The following PAFAH1B2 variants were observed in gnomAD, a reference collection of about 807,000 sequenced individuals.
PAFAH1B2 encodes platelet-activating factor acetylhydrolase IB subunit alpha2.
In PAFAH1B2, 8 loss-of-function variants were observed where a neutral mutation model predicts 28.0. That is an observed-to-expected ratio of 0.29 (90% CI 0.17 to 0.52). The LOEUF (loss-of-function observed/expected upper bound fraction) is 0.52. PAFAH1B2 is among the 20% of genes least tolerant of loss of function. The pLI, the probability that PAFAH1B2 is intolerant of heterozygous loss-of-function variation, is 0.97. For synonymous variants in PAFAH1B2, 104 were observed against 103.2 expected (o/e 1.01, Z -0.05); for missense variants, 190 against 282.6 (o/e 0.67, Z 2.35).
chr11:117,175,759 A>G (rs963169779), downstream of PAFAH1B2: 2 of 1,062,860 alleles, frequency 1.9e-6, no homozygotes, highest in Non-Finnish European at 2.6e-6. Flanking sequence ...GCGTAGGGTC[A>G]CATCTTGCCC....
chr11:117,146,748 TC>T (rs1956019231), intron 1 of PAFAH1B2, among the ~76,000 whole-genome samples: 1 of 150,600 alleles, frequency 6.6e-6, no homozygotes, highest in Non-Finnish European at 1.5e-5. Flanking sequence ...TTCCTGTAAT[TC>T]CAGCACTTTG....
chr11:117,170,888 C>T lies in PAFAH1B2; in HGVS notation c.*3189C>T, dbSNP rs565199967. The T allele has an allele frequency of 9.4e-7, 1 of 1,060,492 alleles. No individual in the cohort carries two copies. Among genetic ancestry groups the T allele is most frequent in the East Asian group, 5.1e-5 (1 of 19,546 alleles). 65.7% of individuals were successfully genotyped at this position (1,060,492 alleles called of 1,614,324 possible). A position where few individuals can be genotyped will look rare whatever the true frequency, so the allele number is the denominator to read the frequency against. ...AGGAGGCTTTTTGGAGAGGGGTCCC[C>T]CAGGTTTCTTGGTGTTCCTGCTTGG... is the stretch of plus-strand genomic sequence containing the variant. On this transcript the variant is annotated 3_prime_UTR_variant, in exon 6 of 6. Transcript: ENST00000527958.
intron 5 of PAFAH1B2, 131 bp downstream of exon 5, chr11:117,164,023 C>T (rs1301705863): frequency 3.5e-6 from 3 of 859,658 alleles, no homozygotes; most frequent in Non-Finnish European, 5.6e-6. Flanking sequence ...TCGTTGACCT[C>T]TTCTTTAATG....
exon 6 of PAFAH1B2, chr11:117,176,521 C>G (rs186828586): frequency 5.2e-5 from 10 of 190,998 alleles, no homozygotes; most frequent in Non-Finnish European, 1.1e-4. Flanking sequence ...AGGCACTGAT[C>G]TGGGTGGCTT....
chr11:117,165,561 C>A (rs940717639), intron 5 of PAFAH1B2, among the ~76,000 whole-genome samples: 1 of 152,150 alleles, frequency 6.6e-6, no homozygotes, highest in Non-Finnish European at 1.5e-5. Context: ...TCAAGGAGCT[C>A]ACAGTCTAGT....
Position 117,168,827 on chromosome 11 carries a change from G to GT in PAFAH1B2, c.*1130dup. On this transcript the variant is annotated 3_prime_UTR_variant, in exon 6 of 6. Transcript: ENST00000527958. ...GTTTTGTTTGAGATGGAGTTTCACT[G>GT]TTGCCCAGGCTGGGGTGCAATGGTG... 1.2e-6 allele frequency: 1 copy of GT among 827,448 alleles called. No individual in the cohort carries two copies. The highest frequency in any genetic ancestry group is 5.8e-5 in the Admixed American group (1 of 17,316). The allele number at this position is 827,448 out of a possible 1,614,324, so 51.3% of individuals were successfully genotyped here. A position where few individuals can be genotyped will look rare whatever the true frequency, so the allele number is the denominator to read the frequency against.
At chr11:117,174,161 C>CT (rs1247611997), downstream of PAFAH1B2, among the ~76,000 whole-genome samples, 3 of 84,094 alleles carry the variant, frequency 3.6e-5, no homozygotes, top group African/African-American at 1.1e-4. Context: ...GTCTTCATGT[C>CT]TTTTGTGTGT....
At chr11:117,176,197 G>T in exon 6 of PAFAH1B2, 1 of 491,158 alleles carries the variant, frequency 2.0e-6, no homozygotes, top group Non-Finnish European at 3.6e-6. Context: ...AAACCCATAA[G>T]GTTATCTTCC....
rs1956556373 is a variant in PAFAH1B2, at chr11:117,168,232, G to C, written c.*533G>C. The C allele has an allele frequency of 4.7e-6, 5 of 1,060,114 alleles. No individual in the cohort carries two copies. In the East Asian group the frequency reaches 2.6e-4, roughly 54 times the overall value. 65.7% of individuals were successfully genotyped at this position (1,060,114 alleles called of 1,614,324 possible). On this transcript the variant is annotated 3_prime_UTR_variant, in exon 6 of 6. Transcript: ENST00000527958. ...TGAACATGCTTGTCATTGATATATGGAAGATGCTATAGTTAGAAGTGAATT... is the reference window on the plus strand; with the variant it reads ...TGAACATGCTTGTCATTGATATATGCAAGATGCTATAGTTAGAAGTGAATT...
rs186226535 is a variant in PAFAH1B2, at chr11:117,148,112, T to C, written c.-8+3694T>C. ...TGTCACCCAGAGTGGGGTGCAGTGG[T>C]GTGATCTCTGCTCACTGCAACCTCC... is the stretch of plus-strand genomic sequence containing the variant. On this transcript the variant is annotated intron_variant, in intron 1 of 5. Coordinates refer to ENST00000527958, the MANE Select transcript of PAFAH1B2 (RefSeq NM_002572.4). 8.9e-3 allele frequency among the ~76,000 whole-genome samples: 1,350 copies of C among 151,042 alleles called. 10 individuals are homozygous for C. Among genetic ancestry groups the C allele is most frequent in the Non-Finnish European group, 0.014 (947 of 67,764 alleles).
Position 117,160,289 on chromosome 11 carries a change from G to A in PAFAH1B2, c.171+266G>A, listed in dbSNP as rs1956345325. Reference sequence around the variant, plus strand: ...CTTGATGTTATATTTGTTTATATTTGCTCTACTCAGATTGTCAAGTTATTA... The same window carrying A: ...CTTGATGTTATATTTGTTTATATTTACTCTACTCAGATTGTCAAGTTATTA... On this transcript the variant is annotated intron_variant, in intron 3 of 5. Transcript: ENST00000527958. Among the ~76,000 whole-genome samples, 4 of 152,134 alleles carry A rather than the reference G, an allele frequency of 2.6e-5. No individual in the cohort carries two copies. In the South Asian group the frequency reaches 8.3e-4, roughly 32 times the overall value.
chr11:117,152,659 C>T (rs1956178227), intron 2 of PAFAH1B2, 131 bp downstream of exon 2: 1 of 664,692 alleles, frequency 1.5e-6, no homozygotes, highest in Non-Finnish European at 2.7e-6. Flanking sequence ...CTCAAGTGAT[C>T]CTCCCACTTC....
downstream of PAFAH1B2, chr11:117,171,538 GAA>G (rs543577332): frequency 3.7e-3 from 1,688 of 459,692 alleles, 2 homozygotes; most frequent in African/African-American, 0.01. Context: ...TCTTGTCTCG[GAA>G]AAAAAAAAAA....
chr11:117,177,723 A>G (rs2030062945), downstream of PAFAH1B2, among the ~76,000 whole-genome samples: 1 of 152,178 alleles, frequency 6.6e-6, no homozygotes, highest in Non-Finnish European at 1.5e-5. Context: ...TATAGTAGAG[A>G]TGGGGTTCAC....
At chr11:117,171,706 C>G, downstream of PAFAH1B2, 1 of 1,535,844 alleles carries the variant, frequency 6.5e-7, no homozygotes, top group Non-Finnish European at 8.7e-7. Flanking sequence ...CGGGACCTAT[C>G]CTGATGACAC....
rs1956563533 is a variant in PAFAH1B2 at position 117,168,445 on chromosome 11, C to CGGTTGTT, written c.*747_*748insGTTGTTG. On this transcript the variant is annotated 3_prime_UTR_variant, in exon 6 of 6. Transcript: ENST00000527958. ...TTCCCCTTCATTCCCCCCGCCACCC[C>CGGTTGTT]GTTTTTTTTTTTTTTTTTTTTTTTT... 17 of 354,316 alleles carry CGGTTGTT rather than the reference C, an allele frequency of 4.8e-5. No homozygotes were observed. The highest frequency in any genetic ancestry group is 5.5e-5 in the Non-Finnish European group (16 of 293,436). 21.9% of individuals were successfully genotyped at this position (354,316 alleles called of 1,614,324 possible).
At chr11:117,176,556 A>T (rs2029991744) in exon 6 of PAFAH1B2, 1 of 183,990 alleles carries the variant, frequency 5.4e-6, no homozygotes. Flanking sequence ...ACAGCTTCAG[A>T]GGTGGCCACA....
At chr11:117,151,114 AAGT>A (rs1956138890) in intron 1 of PAFAH1B2, among the ~76,000 whole-genome samples, 1 of 152,058 alleles carries the variant, frequency 6.6e-6, no homozygotes, top group African/African-American at 2.4e-5. Flanking sequence ...AATTGATTGA[AAGT>A]AATCTGGTTT....
At chr11:117,151,300 GC>G (rs1956145637) in intron 1 of PAFAH1B2, among the ~76,000 whole-genome samples, 1 of 150,158 alleles carries the variant, frequency 6.7e-6, no homozygotes, top group Non-Finnish European at 1.5e-5. Context: ...TGTGATTTCG[GC>G]TCACTGCAAC....
Sources: gnomAD v4.1 joint callset for allele counts (sites outside exome capture counted in the v4.1 genomes callset) on GRCh38, gnomAD v4.1.1 for gene constraint, MANE v1.5 for transcripts, NCBI Gene and HGNC (gene_info 2026-07-23, HGNC 2026-07-21) for gene names.